Variants in AKAP12 observed in about 807,000 individuals in gnomAD.
The protein encoded by AKAP12 is A-kinase anchoring protein 12.
A neutral mutation model predicts 79.9 loss-of-function variants in AKAP12; 32 were observed. The observed-to-expected ratio is 0.40, with a 90% CI of 0.30 to 0.54. The LOEUF (loss-of-function observed/expected upper bound fraction) is 0.54, where lower values mean the gene tolerates loss of function less well. AKAP12 is among the 20% of genes least tolerant of loss of function. The pLI is 0.48. For missense variants in AKAP12, 2,074 were observed against 2,177.0 expected (o/e 0.95, Z 0.94); for synonymous variants, 808 against 857.0 (o/e 0.94, Z 1.00).
chr6:151,241,347 C>G (rs531985541), intron 2 of AKAP12, among the ~76,000 whole-genome samples: 8 of 152,324 alleles, frequency 5.3e-5, no homozygotes, highest in Non-Finnish European at 1.0e-4. Context: ...AAAACCTGGG[C>G]AGGCGCTGCG....
Position 151,358,142 on chromosome 6 carries a change from C to T in AKAP12, c.*2428C>T, listed in dbSNP as rs982474930. The T allele has an allele frequency of 1.3e-5, 2 of 152,194 alleles. No individual in the cohort carries two copies. Among genetic ancestry groups the T allele is most frequent in the African/African-American group, 4.8e-5 (2 of 41,446 alleles). The allele number at this position is 152,194 out of a possible 1,614,324, so 9.4% of individuals were successfully genotyped here. ...ATAATACTGTTTTATAATTCTAAAG[C>T]TGCTGTTAATTTATGAAGTACATAA... On this transcript the variant is annotated 3_prime_UTR_variant, in exon 5 of 5. Coordinates refer to ENST00000402676, the MANE Select transcript of AKAP12 (RefSeq NM_005100.4).
chr6:151,350,247 C>A lies in AKAP12; in HGVS notation c.1856C>A (p.Pro619His), dbSNP rs139461420. 6.8e-6 allele frequency: 11 copies of A among 1,613,380 alleles called. No individual in the cohort carries two copies. In the African/African-American group the frequency reaches 1.2e-4, roughly 18 times the overall value. ...GCATCATTCAAAAAGATGGTGACGC[C>A]CAAGAAGCGTGTTAGACGGCCTTCG... ...PWASFKKMVT[P>H]KKRVRRPSES... Residue 619 changes from proline (P) to histidine (H), a missense_variant, in exon 4 of 5, where the codon CCC (proline) becomes CAC (histidine). Pro to His is a moderately conservative substitution (Grantham distance 77, BLOSUM62 -2). Around this residue, in one of 3 missense-constraint regions of AKAP12, gnomAD observed 1,428 missense variants for 1,451.0 expected, o/e 0.98. Coordinates refer to ENST00000402676, the MANE Select transcript of AKAP12 (RefSeq NM_005100.4). The surrounding 1 kb of genome is among the most constrained non-coding windows in gnomAD (Gnocchi z 4.8).
In AKAP12 at chr6:151,255,317, C is replaced by A. The variant is rs1259143809; in HGVS notation, c.162+14593C>A. Among the ~76,000 whole-genome samples, 4 of 152,170 alleles carry A rather than the reference C, an allele frequency of 2.6e-5. No homozygotes were observed. In the East Asian group the frequency reaches 7.8e-4, roughly 30 times the overall value. ...AGTAGCTGGGATTACAGGCATGCAC[C>A]ACCACGCCGGCTGATTTTGTATTTT... On this transcript the variant is annotated intron_variant, in intron 2 of 4. Transcript: ENST00000402676.
chr6:151,294,702 A>G (rs1234511623), intron 2 of AKAP12, among the ~76,000 whole-genome samples: 1 of 152,330 alleles, frequency 6.6e-6, no homozygotes, highest in East Asian at 1.9e-4. Context: ...TTGATCTCCC[A>G]CCTAACCAGA....
chr6:151,345,926 T>TGA (rs1562750399), intron 3 of AKAP12, among the ~76,000 whole-genome samples: 1 of 107,492 alleles, frequency 9.3e-6, no homozygotes, highest in African/African-American at 3.1e-5. Context: ...TGTGTGTGTG[T>TGA]GTGTGTGAGA....
At chr6:151,271,618 C>T (rs1582846812) in intron 2 of AKAP12, among the ~76,000 whole-genome samples, 1 of 148,192 alleles carries the variant, frequency 6.7e-6, no homozygotes, top group Admixed American at 6.7e-5. Flanking sequence ...CACTACACGC[C>T]CCCAGCCCAC....
intron 2 of AKAP12, among the ~76,000 whole-genome samples, chr6:151,267,013 T>TAAA (rs1776051728): frequency 5.4e-5 from 2 of 36,710 alleles, no homozygotes; most frequent in Non-Finnish European, 8.8e-5. Context: ...AGACTCCATC[T>TAAA]CAAAAAAAAA....
At chr6:151,310,831 TTTC>T (rs1401856907) in intron 3 of AKAP12, among the ~76,000 whole-genome samples, 1 of 152,214 alleles carries the variant, frequency 6.6e-6, no homozygotes, top group Admixed American at 6.5e-5. Context: ...AGTTATTTGT[TTTC>T]TTTTTGAGAT....
At chr6:151,326,135 A>G (rs965017135) in intron 3 of AKAP12, among the ~76,000 whole-genome samples, 3 of 152,320 alleles carry the variant, frequency 2.0e-5, no homozygotes, top group South Asian at 2.1e-4. Context: ...GACTGTGCCT[A>G]TGGGAGACCT....
At chr6:151,333,442 C>G (rs1284922694) in intron 3 of AKAP12, among the ~76,000 whole-genome samples, 1 of 152,106 alleles carries the variant, frequency 6.6e-6, no homozygotes, top group African/African-American at 2.4e-5. Context: ...AACCAGCATG[C>G]AGGGAGCATG....
intron 3 of AKAP12, among the ~76,000 whole-genome samples, chr6:151,310,557 G>C (rs1165351177): frequency 1.3e-5 from 2 of 151,976 alleles, no homozygotes; most frequent in Non-Finnish European, 2.9e-5. Flanking sequence ...GCGAAACCCT[G>C]TCTCTATATT....
intron 2 of AKAP12, among the ~76,000 whole-genome samples, chr6:151,280,964 A>T (rs2114724199): frequency 6.6e-6 from 1 of 152,302 alleles, no homozygotes; most frequent in East Asian, 1.9e-4. Context: ...ACCATTTCTT[A>T]TGTGTAATTC....
At chr6:151,341,607 C>CCCAACA in intron 3 of AKAP12, 1 of 792,578 alleles carries the variant, frequency 1.3e-6, no homozygotes, top group Non-Finnish European at 1.6e-6. Context: ...GGCAGGGGCG[C>CCCAACA]GCTGGGCCTC....
chr6:151,249,032 T>C (rs967835754), intron 2 of AKAP12, among the ~76,000 whole-genome samples: 4 of 152,072 alleles, frequency 2.6e-5, no homozygotes, highest in Non-Finnish European at 5.9e-5. Context: ...TAAAATAGAT[T>C]GTGCCATTCA....
At chr6:151,344,465 A>C (rs1778032349) in intron 3 of AKAP12, among the ~76,000 whole-genome samples, 1 of 152,188 alleles carries the variant, frequency 6.6e-6, no homozygotes, top group Admixed American at 6.5e-5. Context: ...AAGGACAAAA[A>C]AAAACTCTAG....
At chr6:151,299,341 T>G (rs1232184263) in intron 2 of AKAP12, among the ~76,000 whole-genome samples, 2 of 152,150 alleles carry the variant, frequency 1.3e-5, no homozygotes, top group Admixed American at 6.5e-5. Flanking sequence ...AGTTTTAGGG[T>G]TCAATGTATT....
At chr6:151,337,376 G>A (rs568029795) in intron 3 of AKAP12, among the ~76,000 whole-genome samples, 3 of 151,798 alleles carry the variant, frequency 2.0e-5, no homozygotes, top group Admixed American at 6.6e-5. Context: ...TTAGCCGGGC[G>A]TCGCGGCGGG....
intron 2 of AKAP12, among the ~76,000 whole-genome samples, chr6:151,249,111 C>G (rs2114681493): frequency 6.6e-6 from 1 of 152,250 alleles, no homozygotes; most frequent in South Asian, 2.1e-4. Context: ...TTCGGTGTTC[C>G]CCTTCCATCT....
chr6:151,313,152 C>T (rs544183404), intron 3 of AKAP12, among the ~76,000 whole-genome samples: 6 of 152,118 alleles, frequency 3.9e-5, no homozygotes, highest in Non-Finnish European at 7.3e-5. Flanking sequence ...TTTCCAGGAT[C>T]GCACCATGCT....
Sources: allele counts gnomAD v4.1 joint callset (sites outside exome capture counted in the v4.1 genomes callset), GRCh38; gene constraint gnomAD v4.1.1; regional missense constraint gnomAD v4.1.1; non-coding constraint Gnocchi (gnomAD v3.1); transcripts MANE v1.5; gene names NCBI Gene and HGNC (gene_info 2026-07-23, HGNC 2026-07-21).